The following WDR59 variants were observed in gnomAD, a reference collection of about 807,000 sequenced individuals.
WDR59 encodes the protein WD repeat domain 59, also known as GATOR2 complex protein WDR59.
In WDR59, 100 loss-of-function variants were observed where a neutral mutation model predicts 131.2. That is an observed-to-expected ratio of 0.76 (90% CI 0.65 to 0.90). The LOEUF is 0.90. Among genes scored for constraint, WDR59 ranks in the 40% least tolerant of loss-of-function variants. WDR59 has a pLI of 0.00. For synonymous variants in WDR59, 601 were observed against 466.2 expected, an observed-to-expected ratio of 1.29 and a Z score of -3.72; for missense variants, 1,203 against 1,262.2, an observed-to-expected ratio of 0.95 and a Z score of 0.71.
chr16:74,961,495 G>A (rs1227482959), intron 2 of WDR59, among the ~76,000 whole-genome samples: 1 of 152,144 alleles, frequency 6.6e-6, no homozygotes, highest in South Asian at 2.1e-4. Flanking sequence ...CACTCTGACT[G>A]GCGAGAGATG....
At chr16:74,922,749 T>C (rs1186116529) in intron 9 of WDR59, among the ~76,000 whole-genome samples, 1 of 152,238 alleles carries the variant, frequency 6.6e-6, no homozygotes, top group Non-Finnish European at 1.5e-5. Flanking sequence ...CCCCTCCTGG[T>C]AGCACTCTTG....
rs575527900 is a variant in WDR59 at position 74,947,352 on chromosome 16, G to A, written c.445+1167C>T. On this transcript the variant is annotated intron_variant, in intron 6 of 25. Coordinates refer to ENST00000262144, the MANE Select transcript of WDR59 (RefSeq NM_030581.4). ...AGTCCCGCCATTGCACTCCAGCCTG[G>A]GCAACAAGAGCAAAACTCTGTCTCA... Among the ~76,000 whole-genome samples the A allele has an allele frequency of 5.9e-5, 9 of 151,994 alleles. No homozygotes were observed. In the East Asian group the frequency reaches 1.7e-3, roughly 29 times the overall value.
chr16:74,909,696 G>C (rs1229384920), intron 15 of WDR59, 39 bp from the exon 16 acceptor site: 4 of 1,554,664 alleles, frequency 2.6e-6, no homozygotes, highest in Non-Finnish European at 3.5e-6. Flanking sequence ...ACCACAACCT[G>C]TCTTAAAGCT....
intron 19 of WDR59, among the ~76,000 whole-genome samples, 191 bp from the exon 20 acceptor site, chr16:74,892,756 T>C (rs1183510935): frequency 6.6e-6 from 1 of 152,152 alleles, no homozygotes; most frequent in Non-Finnish European, 1.5e-5. Context: ...AGCTAATACA[T>C]CTGTGGGTTC....
chr16:74,906,170 C>A (rs992703266), intron 17 of WDR59, among the ~76,000 whole-genome samples: 1 of 151,500 alleles, frequency 6.6e-6, no homozygotes, highest in African/African-American at 2.4e-5. Context: ...AAAAATTAGC[C>A]GGGCGTGGTG....
At chr16:74,964,379 CA>C (rs10626995) in intron 2 of WDR59, among the ~76,000 whole-genome samples, 30 of 141,876 alleles carry the variant, frequency 2.1e-4, no homozygotes, top group Admixed American at 2.8e-4. Flanking sequence ...AACATCATCT[CA>C]AAAAAAAAAA....
At chr16:74,972,961 G>A (rs573394517) in intron 1 of WDR59, among the ~76,000 whole-genome samples, 1 of 151,864 alleles carries the variant, frequency 6.6e-6, no homozygotes, top group African/African-American at 2.4e-5. Context: ...GGCCAGGCAC[G>A]GTCGCTCACG....
rs747671275 is a variant in WDR59 at position 74,874,310 on chromosome 16, C to A, written c.2824G>T (p.Gly942Trp). ...ATGTGGCTGGTGTGGCCACCGTGCC[C>A]ACAGGTCAGGCAGAAATTGGACGAT... ...RGSSNFCLTCGHGGHTSHMME... is the reference protein window; with the variant it reads ...RGSSNFCLTCWHGGHTSHMME... Residue 942 changes from glycine to tryptophan, a missense_variant, in exon 26 of 26, where the codon GGG becomes TGG. Transcript: ENST00000262144. 1.2e-6 allele frequency: 2 copies of A among 1,614,126 alleles called. No individual in the cohort carries two copies.
chr16:74,965,881 G>A (rs944516881), intron 1 of WDR59, 59 bp from the exon 2 acceptor site: 5 of 1,595,612 alleles, frequency 3.1e-6, no homozygotes, highest in Non-Finnish European at 4.3e-6. Flanking sequence ...ATAGAAGGCA[G>A]AGGTCTCTGT....
At position 74,904,106 on chromosome 16, in the gene WDR59, G is replaced by C; in HGVS notation, c.1713-6C>G. The C allele has an allele frequency of 6.2e-7, 1 of 1,611,452 alleles. No homozygotes were observed. The highest frequency in any genetic ancestry group is 8.5e-7 in the Non-Finnish European group (1 of 1,178,898). On this transcript the variant is annotated splice_polypyrimidine_tract_variant and splice_region_variant and intron_variant, in intron 17 of 25. Coordinates refer to ENST00000262144, the MANE Select transcript of WDR59 (RefSeq NM_030581.4). ...CAGACAAGGCTGAGAGAGATCTGTA[G>C]TTGAAAATGATAATTATCCACACTG... is the stretch of plus-strand genomic sequence containing the variant.
chr16:74,910,552 C>T (rs765399683), intron 14 of WDR59, among the ~76,000 whole-genome samples: 6 of 152,130 alleles, frequency 3.9e-5, no homozygotes, highest in Non-Finnish European at 7.4e-5. Flanking sequence ...CCATGAGAAA[C>T]GTCAGTACCT....
intron 7 of WDR59, among the ~76,000 whole-genome samples, chr16:74,939,672 A>G (rs980077273): frequency 6.6e-6 from 1 of 152,136 alleles, no homozygotes; most frequent in Non-Finnish European, 1.5e-5. Context: ...TTCCATAATT[A>G]GCATTAGTCT....
chr16:74,894,664 A>C (rs933228449), intron 18 of WDR59, among the ~76,000 whole-genome samples: 4 of 152,242 alleles, frequency 2.6e-5, no homozygotes, highest in African/African-American at 9.6e-5. Flanking sequence ...AAAAAAAGGC[A>C]AAAGGAGCTA....
chr16:74,900,330 G>T (rs887920068), intron 18 of WDR59, among the ~76,000 whole-genome samples: 8 of 152,034 alleles, frequency 5.3e-5, no homozygotes, highest in Admixed American at 4.6e-4. Flanking sequence ...CTGGAGAAAC[G>T]GGGGGAAGGA....
chr16:74,939,896 G>C (rs1263752000), intron 7 of WDR59, among the ~76,000 whole-genome samples: 1 of 152,128 alleles, frequency 6.6e-6, no homozygotes, highest in African/African-American at 2.4e-5. Flanking sequence ...CAGCTGGGAG[G>C]ATCACTTGAG....
rs1597707856 is a variant in WDR59, at chr16:74,915,817, C to T, written c.1224+53G>A. 4 of 1,610,516 alleles carry T rather than the reference C, an allele frequency of 2.5e-6. No individual in the cohort carries two copies. In the East Asian group the frequency reaches 6.7e-5, roughly 27 times the overall value. The stretch of plus-strand genomic sequence containing the variant: ...GAAATCATTGCTGAAATGGTTCCCT[C>T]TCCCACAAACTGCCATCAGCAAACA... On this transcript the variant is annotated intron_variant, in intron 13 of 25. Coordinates refer to ENST00000262144, the MANE Select transcript of WDR59 (RefSeq NM_030581.4).
intron 10 of WDR59, 109 bp downstream of exon 10, chr16:74,921,838 A>G: frequency 7.2e-7 from 1 of 1,390,222 alleles, no homozygotes; most frequent in Non-Finnish European, 9.6e-7. Context: ...CTGGTTCCTA[A>G]AGCCCAGCTC....
chr16:74,878,342 T>G (rs1343525318), intron 25 of WDR59, among the ~76,000 whole-genome samples: 2 of 152,242 alleles, frequency 1.3e-5, no homozygotes, highest in East Asian at 3.8e-4. Context: ...TTTAAATTTG[T>G]TTTATGTTTA....
intron 7 of WDR59, 123 bp from the exon 8 acceptor site, chr16:74,938,389 A>C: frequency 1.7e-6 from 1 of 587,768 alleles, no homozygotes. Context: ...TCTCTACCCT[A>C]CACAGACTTT....
Sources: allele counts gnomAD v4.1 joint callset (sites outside exome capture counted in the v4.1 genomes callset), GRCh38; gene constraint gnomAD v4.1.1; transcripts MANE v1.5; gene names NCBI Gene and HGNC (gene_info 2026-07-23, HGNC 2026-07-21).